CSPP1: variants seen among roughly 807,000 people sequenced by gnomAD.
CSPP1 encodes the protein centrosome and spindle pole-associated protein 1.
CSPP1 carries 126 observed loss-of-function variants against 164.4 expected under a neutral mutation model. The observed-to-expected ratio is 0.77, with a 90% CI of 0.66 to 0.89. CSPP1 has a LOEUF of 0.89. Ranked by LOEUF, CSPP1 falls within the 40% of genes least tolerant of loss-of-function variation. CSPP1 has a pLI of 0.00. For missense variants in CSPP1, 1,395 were observed against 1,449.8 expected, an observed-to-expected ratio of 0.96 and a Z score of 0.61; for synonymous variants, 472 against 476.7, an observed-to-expected ratio of 0.99 and a Z score of 0.13.
intron 13 of CSPP1, among the ~76,000 whole-genome samples, chr8:67,117,050 A>G (rs1818079135): frequency 1.3e-5 from 2 of 152,166 alleles, no homozygotes; most frequent in South Asian, 2.1e-4. Flanking sequence ...TGGCTTTCCT[A>G]TCTGGATTTT....
At chr8:67,130,714 G>T (rs567063998) in intron 15 of CSPP1, among the ~76,000 whole-genome samples, 2 of 152,194 alleles carry the variant, frequency 1.3e-5, no homozygotes, top group African/African-American at 4.8e-5. Flanking sequence ...CAGGCTGGGC[G>T]CAGTGGCTCA....
intron 17 of CSPP1, among the ~76,000 whole-genome samples, chr8:67,139,165 A>G (rs920100557): frequency 1.1e-4 from 17 of 152,248 alleles, no homozygotes; most frequent in Non-Finnish European, 2.5e-4. Context: ...AAACAACCCC[A>G]TCAAAAAGTA....
At chr8:67,186,975 A>G (rs368817583) in intron 28 of CSPP1, among the ~76,000 whole-genome samples, 2 of 71,180 alleles carry the variant, frequency 2.8e-5, no homozygotes, top group African/African-American at 9.8e-5. Flanking sequence ...TCTATCATCT[A>G]TCTATCTATC....
rs1829095824 is a variant in CSPP1 at position 67,165,239 on chromosome 8, A to G, written c.2828+731A>G. On this transcript the variant is annotated intron_variant, in intron 24 of 30. Coordinates refer to ENST00000678616, the MANE Select transcript of CSPP1 (RefSeq NM_001382391.1). ...GCGGAGGTTGCAGTGAGCCGAGATC[A>G]CACCACTGCACTCCAGCCTAGGTGA... Among the ~76,000 whole-genome samples the G allele has an allele frequency of 2.0e-5, 3 of 151,754 alleles. 1 individual carries two copies. The South Asian group carries it at 6.3e-4, about 32-fold the overall frequency.
chr8:67,088,029 G>A (rs1585957992), intron 4 of CSPP1, among the ~76,000 whole-genome samples: 1 of 152,220 alleles, frequency 6.6e-6, no homozygotes, highest in East Asian at 1.9e-4. Flanking sequence ...TCCTTAGCAT[G>A]GCACATGTCT....
At chr8:67,182,344 T>C (rs1357191836) in intron 28 of CSPP1, among the ~76,000 whole-genome samples, 1 of 152,160 alleles carries the variant, frequency 6.6e-6, no homozygotes, top group Non-Finnish European at 1.5e-5. Flanking sequence ...GTGAATAATA[T>C]TCCATTGTAT....
chr8:67,092,690 G>A (rs1488543314), intron 5 of CSPP1, among the ~76,000 whole-genome samples: 4 of 152,064 alleles, frequency 2.6e-5, no homozygotes, highest in South Asian at 4.2e-4. Flanking sequence ...TGATCCACCC[G>A]CCTCAGCCTC....
intron 13 of CSPP1, 110 bp downstream of exon 13, chr8:67,116,232 G>A (rs1303336620): frequency 2.7e-6 from 2 of 733,970 alleles, no homozygotes; most frequent in Non-Finnish European, 4.5e-6. Flanking sequence ...ATTTTGTACA[G>A]TTAACAGTTT....
intron 25 of CSPP1, among the ~76,000 whole-genome samples, chr8:67,173,258 G>A (rs1830830210): frequency 6.6e-6 from 1 of 152,096 alleles, no homozygotes; most frequent in East Asian, 1.9e-4. Context: ...GAAATCTAGG[G>A]GATTTGAGGG....
intron 21 of CSPP1, among the ~76,000 whole-genome samples, chr8:67,159,890 TTCTTTC>T (rs2129560706): frequency 1.5e-5 from 1 of 67,404 alleles, no homozygotes; most frequent in South Asian, 5.9e-4. Flanking sequence ...CTTTCTTTCT[TTCTTTC>T]TTTCTTTCTT....
chr8:67,188,216 A>G (rs1432399535), intron 28 of CSPP1, among the ~76,000 whole-genome samples: 1 of 152,232 alleles, frequency 6.6e-6, no homozygotes, highest in Non-Finnish European at 1.5e-5. Flanking sequence ...TGATTAAAAG[A>G]TTCAGCAAGA....
At position 67,137,445 on chromosome 8, in the gene CSPP1, A is replaced by G; in HGVS notation, c.1828-11A>G. On this transcript the variant is annotated splice_polypyrimidine_tract_variant and intron_variant, in intron 16 of 30. Transcript: ENST00000678616. ...TCAGCGTTTATTTTAAATATATCTT[A>G]TGTTGTCAAGATTCGGGAAAGAGAA... 1 of 1,467,444 alleles carries G rather than the reference A, an allele frequency of 6.8e-7. No homozygotes were observed. Among genetic ancestry groups the G allele is most frequent in the African/African-American group, 1.4e-5 (1 of 69,868 alleles). The allele number at this position is 1,467,444 out of a possible 1,614,324, so 90.9% of individuals were successfully genotyped here. A position where few individuals can be genotyped will look rare whatever the true frequency, so the allele number is the denominator to read the frequency against.
chr8:67,158,473 A>G lies in CSPP1; in HGVS notation c.2268A>G (p.Glu756=), dbSNP rs199962946. ...FQIEEKKQRE[E]AERERLRIAE... Reference sequence around the variant, plus strand: ...TTGAGGAAAAGAAACAAAGAGAGGAAGCAGAGCGAGAGAGACTGAGAATTG... The same window carrying G: ...TTGAGGAAAAGAAACAAAGAGAGGAGGCAGAGCGAGAGAGACTGAGAATTG... Residue 756 remains glutamate, a synonymous_variant, in exon 20 of 31, where the codon GAA becomes GAG. Coordinates refer to ENST00000678616, the MANE Select transcript of CSPP1 (RefSeq NM_001382391.1). 233 of 1,608,746 alleles carry G rather than the reference A, an allele frequency of 1.4e-4. No individual in the cohort carries two copies. The highest frequency in any genetic ancestry group is 6.6e-4 in the Middle Eastern group (4 of 6,038).
chr8:67,195,252 C>G lies in CSPP1; in HGVS notation c.3470-130C>G, dbSNP rs1319849985. 9 of 725,388 alleles carry G rather than the reference C, an allele frequency of 1.2e-5. No individual in the cohort carries two copies. The Admixed American group carries it at 1.7e-4, about 14-fold the overall frequency. 44.9% of individuals were successfully genotyped at this position (725,388 alleles called of 1,614,324 possible). A position where few individuals can be genotyped will look rare whatever the true frequency, so the allele number is the denominator to read the frequency against. On this transcript the variant is annotated intron_variant, in intron 30 of 30. Transcript: ENST00000678616. ...GGTGAGTCTAACCAAAACAAACAAACAGTAGAGTTCAGGATATGAGACTGT... is the reference window on the plus strand; with the variant it reads ...GGTGAGTCTAACCAAAACAAACAAAGAGTAGAGTTCAGGATATGAGACTGT...
chr8:67,194,555 T>C (rs779580750), intron 30 of CSPP1, among the ~76,000 whole-genome samples: 48 of 152,160 alleles, frequency 3.2e-4, no homozygotes, highest in African/African-American at 3.6e-4. Flanking sequence ...TGAGGGAAGA[T>C]AGCATTTTAA....
intron 15 of CSPP1, among the ~76,000 whole-genome samples, chr8:67,119,173 A>G (rs745511791): frequency 6.6e-6 from 1 of 152,144 alleles, no homozygotes; most frequent in African/African-American, 2.4e-5. Context: ...TAATGTCCTC[A>G]AGGTTCATCC....
At position 67,131,988 on chromosome 8, in the gene CSPP1, G is replaced by T; in HGVS notation, c.1735G>T (p.Asp579Tyr). 1 of 1,613,316 alleles carries T rather than the reference G, an allele frequency of 6.2e-7. No individual in the cohort carries two copies. Among genetic ancestry groups the T allele is most frequent in the Non-Finnish European group, 8.5e-7 (1 of 1,179,404 alleles). The change falls in exon 16 of 31, where the codon GAT becomes TAT. Residue 579 changes from aspartate (D) to tyrosine (Y), a missense_variant. Asp to Tyr is a radical substitution (Grantham distance 160). Transcript: ENST00000678616. ...ACAGAATGAACTGAAGATTACAAGT[G>T]ATCAAGTGATAAATTCAGGATTGAT... ...VGQNELKITS[D>Y]QVINSGLIFE...
In CSPP1 at chr8:67,195,554, C is replaced by T; in HGVS notation, c.3642C>T (p.Gly1214=). ...AGCAGCAGATTCCTGGAAAACCAGG[C>T]ACTTTCACTTGGCAGGGCCTGTCGA... The part of the protein sequence containing the change: ...QEQQQIPGKP[G]TFTWQGLSTA... Residue 1214 remains glycine, a synonymous_variant, in exon 31 of 31, where the codon GGC becomes GGT. Coordinates refer to ENST00000678616, the MANE Select transcript of CSPP1 (RefSeq NM_001382391.1). 6.2e-7 allele frequency: 1 copy of T among 1,614,170 alleles called. No individual in the cohort carries two copies. The highest frequency in any genetic ancestry group is 8.5e-7 in the Non-Finnish European group (1 of 1,180,030).
At chr8:67,072,289 A>C (rs1471792859) in intron 1 of CSPP1, among the ~76,000 whole-genome samples, 1 of 149,348 alleles carries the variant, frequency 6.7e-6, no homozygotes, top group Non-Finnish European at 1.5e-5. Context: ...CTCTGTCTCA[A>C]AAAAAAAAAA....
Sources: gnomAD v4.1 joint callset for allele counts (sites outside exome capture counted in the v4.1 genomes callset) on GRCh38, gnomAD v4.1.1 for gene constraint, MANE v1.5 for transcripts, NCBI Gene and HGNC (gene_info 2026-07-23, HGNC 2026-07-21) for gene names.